Variants in ATP7B observed in about 807,000 individuals in gnomAD.
ATP7B encodes the protein ATPase copper transporting beta.
A neutral mutation model predicts 118.9 loss-of-function variants in ATP7B; 113 were observed. That is an observed-to-expected ratio of 0.95 (90% CI 0.82 to 1.11). The LOEUF (loss-of-function observed/expected upper bound fraction) is 1.11, where lower values mean the gene tolerates loss of function less well. Among genes scored for constraint, ATP7B ranks in the 50% most tolerant of loss-of-function variants. The pLI, the probability that ATP7B is intolerant of heterozygous loss-of-function variation, is 0.00. For missense variants in ATP7B, 1,867 were observed against 1,871.4 expected, an observed-to-expected ratio of 1.00 and a Z score of 0.04; for synonymous variants, 777 against 727.4, an observed-to-expected ratio of 1.07 and a Z score of -1.10.
At chr13:51,995,829 T>C (rs934882481) in intron 1 of ATP7B, among the ~76,000 whole-genome samples, 2 of 152,162 alleles carry the variant, frequency 1.3e-5, no homozygotes, top group African/African-American at 4.8e-5. Flanking sequence ...ACACACTGTG[T>C]GCAGCACTGC....
intron 12 of ATP7B, among the ~76,000 whole-genome samples, chr13:51,948,194 A>G (rs1236473451): frequency 6.6e-6 from 1 of 152,212 alleles, no homozygotes; most frequent in Non-Finnish European, 1.5e-5. Flanking sequence ...TGTCCTGAGA[A>G]TATTTGATAT....
intron 1 of ATP7B, among the ~76,000 whole-genome samples, chr13:52,006,468 G>A (rs1349858700): frequency 6.6e-6 from 1 of 152,226 alleles, no homozygotes; most frequent in Non-Finnish European, 1.5e-5. Context: ...CTACTGAGAA[G>A]ACAATTCCAT....
At position 51,957,824 on chromosome 13, in the gene ATP7B, C is replaced by T. The variant is rs752569; in HGVS notation, c.2356-217G>A. 324,159 of 570,806 alleles carry T rather than the reference C, an allele frequency of 0.57. 93,079 individuals carry two copies. Among genetic ancestry groups the T allele is most frequent in the Middle Eastern group, 0.62 (1,299 of 2,108 alleles). 35.4% of individuals were successfully genotyped at this position (570,806 alleles called of 1,614,324 possible). ...GCACAGTGCCTGTGCCACTAAAGTC[C>T]GGGAATTACATTTCAGACTGGAAAC... On this transcript the variant is annotated intron_variant, in intron 8 of 20. Coordinates refer to ENST00000242839, the MANE Select transcript of ATP7B (RefSeq NM_000053.4).
At chr13:51,958,053 C>T (rs1958470006) in intron 8 of ATP7B, 1 of 534,562 alleles carries the variant, frequency 1.9e-6, no homozygotes, top group Admixed American at 3.2e-5. Flanking sequence ...AGGCTCTGCC[C>T]TGAAGGCCAG....
At chr13:51,949,137 G>T (rs1467248679) in intron 12 of ATP7B, among the ~76,000 whole-genome samples, 2 of 152,160 alleles carry the variant, frequency 1.3e-5, no homozygotes, top group Non-Finnish European at 2.9e-5. Context: ...CCGAGATCAA[G>T]CCACTGCACT....
intron 1 of ATP7B, chr13:51,975,498 G>A (rs1434814375): frequency 5.6e-6 from 3 of 537,784 alleles, no homozygotes; most frequent in East Asian, 5.0e-5. Flanking sequence ...CTGCAGCAGA[G>A]GCAGAGGGCA....
In ATP7B at chr13:51,943,994, G is replaced by C. The variant is rs1362951868; in HGVS notation, c.3243+115C>G. 6 of 1,357,336 alleles carry C rather than the reference G, an allele frequency of 4.4e-6. No individual in the cohort carries two copies. The East Asian group carries it at 7.2e-5, about 16-fold the overall frequency. The allele number at this position is 1,357,336 out of a possible 1,614,324, so 84.1% of individuals were successfully genotyped here. On this transcript the variant is annotated intron_variant, in intron 14 of 20. Coordinates refer to ENST00000242839, the MANE Select transcript of ATP7B (RefSeq NM_000053.4). The stretch of plus-strand genomic sequence containing the variant: ...CGCCTGCTGCAGAAGGGCCCTCTAA[G>C]TGGTTTTCCAGACCACACAGAGAAG...
At chr13:51,945,007 G>A (rs907050990) in intron 13 of ATP7B, among the ~76,000 whole-genome samples, 1 of 152,206 alleles carries the variant, frequency 6.6e-6, no homozygotes, top group Non-Finnish European at 1.5e-5. Flanking sequence ...CTCAGACCAT[G>A]TCCCACAAGC....
intron 9 of ATP7B, among the ~76,000 whole-genome samples, chr13:51,953,868 A>AAAAAAAAAAAAAAAAAC (rs1461098056): frequency 5.4e-5 from 8 of 148,196 alleles, no homozygotes; most frequent in African/African-American, 2.0e-4. Context: ...AAAAAAAAAA[A>AAAAAAAAAAAAAAAAAC]CCAGAAAATT....
At chr13:51,990,848 G>A (rs58507277) in intron 1 of ATP7B, among the ~76,000 whole-genome samples, 4 of 152,226 alleles carry the variant, frequency 2.6e-5, no homozygotes, top group Admixed American at 1.3e-4. Context: ...CCAGCACTTC[G>A]GGAGGCCGAG....
At chr13:51,949,296 G>A (rs1489511316) in intron 12 of ATP7B, among the ~76,000 whole-genome samples, 1 of 152,188 alleles carries the variant, frequency 6.6e-6, no homozygotes, top group Non-Finnish European at 1.5e-5. Context: ...TTCTTAAAAT[G>A]TATTAAATAA....
chr13:51,991,768 T>C (rs1023938589), intron 1 of ATP7B, among the ~76,000 whole-genome samples: 9 of 152,114 alleles, frequency 5.9e-5, no homozygotes, highest in Admixed American at 2.0e-4. Flanking sequence ...TGTGGAACCT[T>C]TGATAGGAAC....
chr13:51,956,103 A>G (rs935895936), intron 9 of ATP7B, among the ~76,000 whole-genome samples: 30 of 152,230 alleles, frequency 2.0e-4, no homozygotes, highest in African/African-American at 7.0e-4. Flanking sequence ...GGAACACCAG[A>G]AGGACTCAAA....
chr13:52,006,430 A>G (rs1953776123), intron 1 of ATP7B, among the ~76,000 whole-genome samples: 1 of 152,244 alleles, frequency 6.6e-6, no homozygotes, highest in South Asian at 2.1e-4. Flanking sequence ...AATACTCAGG[A>G]CAGTTGAGTT....
In ATP7B at chr13:51,933,557, C is replaced by A. The variant is rs901291629; in HGVS notation, c.*1199G>T. ...AGAGTCTAAAACTGAACCCGTTCTG[C>A]TGCTCTGAGAGCCACTGCCAGGTAA... On this transcript the variant is annotated 3_prime_UTR_variant, in exon 21 of 21. Transcript: ENST00000242839. The A allele has an allele frequency of 6.6e-6, 1 of 152,272 alleles. No homozygotes were observed. The highest frequency in any genetic ancestry group is 1.5e-5 in the Non-Finnish European group (1 of 68,054). 9.4% of individuals were successfully genotyped at this position (152,272 alleles called of 1,614,324 possible).
chr13:51,977,641 T>C (rs780913288), intron 1 of ATP7B, among the ~76,000 whole-genome samples: 1 of 152,212 alleles, frequency 6.6e-6, no homozygotes, highest in Non-Finnish European at 1.5e-5. Flanking sequence ...GTATAGTAAA[T>C]ACATAAACCA....
At chr13:51,958,735 T>C (rs1251827845) in intron 7 of ATP7B, 191 bp from the exon 8 acceptor site, 1 of 627,736 alleles carries the variant, frequency 1.6e-6, no homozygotes, top group Non-Finnish European at 2.9e-6. Flanking sequence ...CAGGAATGGA[T>C]GACCAAGAGC....
chr13:51,937,513 T>A lies in ATP7B; in HGVS notation c.3866A>T (p.Asp1289Val), dbSNP rs1330898210. ...GACGTCGGCTGCCTCGATGGCCACATCCGTGCCGGTGCCAATGGCCACACC... is the reference window on the plus strand; with the variant it reads ...GACGTCGGCTGCCTCGATGGCCACAACCGTGCCGGTGCCAATGGCCACACC... ...DMGVAIGTGT[D>V]VAIEAADVVL... Residue 1289 changes from aspartate to valine, a missense_variant, in exon 18 of 21, where the codon GAT becomes GTT. By Grantham distance (152) the Asp-to-Val change is radical (BLOSUM62 -3). Coordinates refer to ENST00000242839, the MANE Select transcript of ATP7B (RefSeq NM_000053.4). The A allele has an allele frequency of 6.2e-7, 1 of 1,614,008 alleles. No homozygotes were observed. Among genetic ancestry groups the A allele is most frequent in the African/African-American group, 1.3e-5 (1 of 74,926 alleles).
chr13:52,011,180 G>C (rs951621309), intron 1 of ATP7B, 107 bp downstream of exon 1: 4 of 1,540,870 alleles, frequency 2.6e-6, no homozygotes, highest in Non-Finnish European at 2.7e-6. Flanking sequence ...GGTCTGGCTC[G>C]GCCTTCCCTG....
Sources: allele counts gnomAD v4.1 joint callset (sites outside exome capture counted in the v4.1 genomes callset), GRCh38; gene constraint gnomAD v4.1.1; transcripts MANE v1.5; gene names NCBI Gene and HGNC (gene_info 2026-07-23, HGNC 2026-07-21).